NRDC: variants seen among roughly 807,000 people sequenced by gnomAD.
NRDC encodes nardilysin.
A neutral mutation model predicts 147.1 loss-of-function variants in NRDC; 54 were observed. The ratio of observed to expected loss-of-function variants is 0.37; its 90% CI spans 0.29 to 0.46. NRDC has a LOEUF of 0.46. Ranked by LOEUF, NRDC falls within the 20% of genes least tolerant of loss-of-function variation. The pLI is 1.00. For missense variants in NRDC, 1,082 were observed against 1,370.6 expected (o/e 0.79, Z 3.33); for synonymous variants, 440 against 482.1 (o/e 0.91, Z 1.14).
chr1:51,819,723 A>C, intron 9 of NRDC, 77 bp downstream of exon 9: 1 of 1,152,540 alleles, frequency 8.7e-7, no homozygotes, highest in Admixed American at 2.2e-5. Context: ...TTTTCAATGA[A>C]AATTGGCAGC....
At chr1:51,801,915 G>A (rs1455681063) in intron 20 of NRDC, among the ~76,000 whole-genome samples, 1 of 152,100 alleles carries the variant, frequency 6.6e-6, no homozygotes, top group South Asian at 2.1e-4. Flanking sequence ...AGCCTCCCGA[G>A]TAGCTGAGAC....
At chr1:51,804,015 T>G (rs1679334381) in intron 19 of NRDC, 51 bp from the exon 20 acceptor site, 6 of 1,479,538 alleles carry the variant, frequency 4.1e-6, no homozygotes, top group East Asian at 2.3e-5. Context: ...GAAAGACACA[T>G]GAAATAGATT....
intron 24 of NRDC, among the ~76,000 whole-genome samples, chr1:51,793,233 C>T (rs1678735123): frequency 1.3e-5 from 2 of 152,214 alleles, no homozygotes; most frequent in Non-Finnish European, 2.9e-5. Context: ...TGATGGAAAG[C>T]ATTTCTATAA....
At chr1:51,795,010 A>G in intron 22 of NRDC, 156 bp from the exon 23 acceptor site, 1 of 1,497,250 alleles carries the variant, frequency 6.7e-7, no homozygotes, top group Non-Finnish European at 8.9e-7. Flanking sequence ...TTATTCATTG[A>G]CTGATTCAAG....
rs1487972669 is a variant in NRDC, at chr1:51,817,026, CT to C, written c.1362-638del. Among the ~76,000 whole-genome samples the C allele has an allele frequency of 2.6e-5, 4 of 152,142 alleles. No homozygotes were observed. The East Asian group carries it at 7.7e-4, about 29-fold the overall frequency. On this transcript the variant is annotated intron_variant, in intron 10 of 30. Coordinates refer to ENST00000352171, the MANE Select transcript of NRDC (RefSeq NM_001101662.2). ...CATGCTGTTCAAACTGTCTTTCCCC[CT>C]GGCCTCTACTGTAATTTTGTTAAAG...
At chr1:51,811,287 T>C (rs1238431123) in intron 15 of NRDC, among the ~76,000 whole-genome samples, 9 of 152,170 alleles carry the variant, frequency 5.9e-5, no homozygotes, top group Non-Finnish European at 2.9e-5. Context: ...ACTATGAACA[T>C]CTTGTGTCAA....
chr1:51,853,889 A>G (rs1218726287), intron 1 of NRDC, among the ~76,000 whole-genome samples: 3 of 152,198 alleles, frequency 2.0e-5, no homozygotes, highest in Admixed American at 6.5e-5. Flanking sequence ...TTCCTCATGG[A>G]ATAAAATCCA....
chr1:51,856,996 G>A (rs1395533322), intron 1 of NRDC, among the ~76,000 whole-genome samples: 1 of 152,068 alleles, frequency 6.6e-6, no homozygotes, highest in Non-Finnish European at 1.5e-5. Flanking sequence ...AGACACATGA[G>A]ACCTGACACA....
chr1:51,792,430 AAG>A lies in NRDC; in HGVS notation c.2776-8_2776-7del. On this transcript the variant is annotated splice_polypyrimidine_tract_variant and splice_region_variant and intron_variant, in intron 24 of 30. Coordinates refer to ENST00000352171, the MANE Select transcript of NRDC (RefSeq NM_001101662.2). ...CTTAGACTCCTGGTACCTGACTGAA[AAG>A]AGAAGGTTGTCAGGCCAACTGAATA... 6.2e-7 allele frequency: 1 copy of A among 1,613,972 alleles called. No individual in the cohort carries two copies. The highest frequency in any genetic ancestry group is 2.2e-5 in the East Asian group (1 of 44,876).
At chr1:51,814,846 G>A in intron 11 of NRDC, 33 bp from the exon 12 acceptor site, 2 of 1,543,130 alleles carry the variant, frequency 1.3e-6, no homozygotes, top group Non-Finnish European at 1.7e-6. Flanking sequence ...CCCAATCAAT[G>A]TTCCTGGATT....
chr1:51,829,217 T>C (rs1680591629), intron 4 of NRDC, among the ~76,000 whole-genome samples: 1 of 152,140 alleles, frequency 6.6e-6, no homozygotes, highest in Admixed American at 6.5e-5. Context: ...GCATGTACCA[T>C]CATGCCCTGC....
intron 1 of NRDC, among the ~76,000 whole-genome samples, chr1:51,877,824 A>G (rs944603738): frequency 7.2e-5 from 11 of 152,178 alleles, no homozygotes; most frequent in African/African-American, 2.7e-4. Flanking sequence ...AAGCCACACC[A>G]TCCTCTGGTA....
At chr1:51,845,414 C>A (rs531662990) in intron 1 of NRDC, among the ~76,000 whole-genome samples, 1 of 152,186 alleles carries the variant, frequency 6.6e-6, no homozygotes, top group Admixed American at 6.5e-5. Flanking sequence ...CCAACAATGG[C>A]GAAAACCCGA....
At chr1:51,854,853 T>C (rs1682155417) in intron 1 of NRDC, among the ~76,000 whole-genome samples, 1 of 152,182 alleles carries the variant, frequency 6.6e-6, no homozygotes, top group South Asian at 2.1e-4. Context: ...TCTCCAGTTG[T>C]TTTTCAGAAA....
At chr1:51,856,382 G>A (rs999731617) in intron 1 of NRDC, among the ~76,000 whole-genome samples, 3 of 152,110 alleles carry the variant, frequency 2.0e-5, no homozygotes, top group Non-Finnish European at 4.4e-5. Flanking sequence ...CCCCAAGACT[G>A]CCCTGCCAAC....
Position 51,789,698 on chromosome 1 carries a change from A to AAGAT in NRDC, c.3169-45_3169-42dup, listed in dbSNP as rs761716543. The AAGAT allele has an allele frequency of 1.4e-4, 200 of 1,410,844 alleles. No individual in the cohort carries two copies. The African/African-American group carries it at 1.6e-3, about 11-fold the overall frequency. The allele number at this position is 1,410,844 out of a possible 1,614,324, so 87.4% of individuals were successfully genotyped here. On this transcript the variant is annotated intron_variant, in intron 29 of 30. Coordinates refer to ENST00000352171, the MANE Select transcript of NRDC (RefSeq NM_001101662.2). Reference sequence around the variant, plus strand: ...AAGATAGGAAAGAAATTCAAGAAGAAAGATAGCTCTTAAACCTAACCCCCA... The same window carrying AAGAT: ...AAGATAGGAAAGAAATTCAAGAAGAAAGATAGATAGCTCTTAAACCTAACCCCCA...
At chr1:51,790,827 C>T (rs905023472) in intron 28 of NRDC, 73 bp downstream of exon 28, 18 of 1,301,364 alleles carry the variant, frequency 1.4e-5, no homozygotes, top group South Asian at 5.0e-5. Flanking sequence ...AACTGGCCGG[C>T]GAAGCCCTGT....
At chr1:51,794,392 A>G (rs1026922195) in intron 24 of NRDC, 80 bp downstream of exon 24, 1 of 1,412,388 alleles carries the variant, frequency 7.1e-7, no homozygotes, top group South Asian at 1.2e-5. Context: ...AGAAGTAACT[A>G]TAAAAGGGCC....
rs779176194 is a variant in NRDC, at chr1:51,814,537, G to A, written c.1619+14C>T. 4 of 1,611,766 alleles carry A rather than the reference G, an allele frequency of 2.5e-6. No homozygotes were observed. The South Asian group carries it at 3.3e-5, about 13-fold the overall frequency. On this transcript the variant is annotated intron_variant, in intron 13 of 30. Coordinates refer to ENST00000352171, the MANE Select transcript of NRDC (RefSeq NM_001101662.2). ...GGACTGGCTCCTGGCCTCATTCCAG[G>A]AAGTGTTTATTACCTTTTTTCTGGG...
Sources: allele counts gnomAD v4.1 joint callset (sites outside exome capture counted in the v4.1 genomes callset), GRCh38; gene constraint gnomAD v4.1.1; transcripts MANE v1.5; gene names NCBI Gene and HGNC (gene_info 2026-07-23, HGNC 2026-07-21).